CARM1: variants seen among roughly 807,000 people sequenced by gnomAD.
CARM1 encodes histone-arginine methyltransferase CARM1.
In CARM1, 14 loss-of-function variants were observed where a neutral mutation model predicts 72.7. That is an observed-to-expected ratio of 0.19 (90% CI 0.13 to 0.30). CARM1 has a LOEUF of 0.30. Ranked by LOEUF, CARM1 falls within the 10% of genes least tolerant of loss-of-function variation. The pLI is 1.00. For missense variants in CARM1, 432 were observed against 833.7 expected (o/e 0.52, Z 5.93); for synonymous variants, 333 against 345.5 (o/e 0.96, Z 0.40).
Position 10,893,865 on chromosome 19 carries a change from G to A in CARM1, c.221-11086G>A, listed in dbSNP as rs955989551. ...AACAGATGAGGAAGCCAAGGCCAGG[G>A]CTGGAGAACAGTGGGTTCGGCCCTG... On this transcript the variant is annotated intron_variant, in intron 1 of 15. Coordinates refer to ENST00000327064, the MANE Select transcript of CARM1 (RefSeq NM_199141.2). 9.2e-5 allele frequency among the ~76,000 whole-genome samples: 14 copies of A among 152,346 alleles called. No homozygotes were observed. In the South Asian group the frequency reaches 1.0e-3, roughly 11 times the overall value.
In CARM1 at chr19:10,881,250, C is replaced by T. The variant is rs543974915; in HGVS notation, c.220+9328C>T. Among the ~76,000 whole-genome samples the T allele has an allele frequency of 3.9e-5, 6 of 152,310 alleles. No homozygotes were observed. The South Asian group carries it at 8.3e-4, about 21-fold the overall frequency. Reference sequence around the variant, plus strand: ...AAAGCTTTGCCCTGTGTGCCTGGCCCGAAGTAAGTGCTCCATAAATTGGCC... The same window carrying T: ...AAAGCTTTGCCCTGTGTGCCTGGCCTGAAGTAAGTGCTCCATAAATTGGCC... On this transcript the variant is annotated intron_variant, in intron 1 of 15. Coordinates refer to ENST00000327064, the MANE Select transcript of CARM1 (RefSeq NM_199141.2).
At chr19:10,883,427 C>T (rs577247713) in intron 1 of CARM1, among the ~76,000 whole-genome samples, 1 of 152,186 alleles carries the variant, frequency 6.6e-6, no homozygotes, top group Admixed American at 6.5e-5. Flanking sequence ...CCCTCTGGAT[C>T]TGCTTCCTGA....
intron 1 of CARM1, among the ~76,000 whole-genome samples, chr19:10,903,581 A>T (rs74180168): frequency 0.23 from 34,196 of 148,726 alleles, 4,092 homozygotes; most frequent in Middle Eastern, 0.34. Context: ...TTTTTTTTTA[A>T]TAGGATCTCA....
chr19:10,902,977 G>C (rs185832996), intron 1 of CARM1, among the ~76,000 whole-genome samples: 7 of 152,128 alleles, frequency 4.6e-5, no homozygotes, highest in Non-Finnish European at 1.0e-4. Context: ...TCTCCTAAGA[G>C]TTTTCTTGTT....
intron 1 of CARM1, among the ~76,000 whole-genome samples, chr19:10,872,586 C>A (rs1214359093): frequency 6.6e-6 from 1 of 152,114 alleles, no homozygotes; most frequent in Non-Finnish European, 1.5e-5. Flanking sequence ...TGATGCCGGG[C>A]TTCGAAGTAA....
chr19:10,921,187 G>C (rs1462888862), intron 14 of CARM1, 60 bp downstream of exon 14: 1 of 1,549,656 alleles, frequency 6.5e-7, no homozygotes, highest in Non-Finnish European at 8.9e-7. Flanking sequence ...CCCAGGGGCC[G>C]GGAAGGGCCT....
At position 10,915,492 on chromosome 19, in the gene CARM1, CT is replaced by C. The variant is rs1381064446; in HGVS notation, c.848-913del. Among the ~76,000 whole-genome samples, 6 of 152,148 alleles carry C rather than the reference CT, an allele frequency of 3.9e-5. No homozygotes were observed. Among genetic ancestry groups the C allele is most frequent in the Non-Finnish European group, 1.5e-5 (1 of 68,006 alleles). On this transcript the variant is annotated intron_variant, in intron 6 of 15. Transcript: ENST00000327064. This position sits in a 1 kb window ranked among gnomAD's most constrained non-coding sequence, Gnocchi z 4.6. ...GCCCTCCCCTCTCCCAGTCACATGT[CT>C]TCTGGTCAGCAGGAGCCAGAGGTTC...
rs1430127559 is a variant in CARM1 at position 10,890,791 on chromosome 19, A to AT, written c.221-14159dup. Among the ~76,000 whole-genome samples the AT allele has an allele frequency of 7.1e-3, 704 of 99,434 alleles. 20 individuals are homozygous for AT. The highest frequency in any genetic ancestry group is 0.018 in the African/African-American group (388 of 21,354). 65.2% of individuals were successfully genotyped at this position (99,434 alleles called of 152,430 possible). On this transcript the variant is annotated intron_variant, in intron 1 of 15. Transcript: ENST00000327064. ...CACACACACATATATATATATATAT[A>AT]TATATTTTTTTTTTTTTTTTTTTTT... is the stretch of plus-strand genomic sequence containing the variant.
intron 1 of CARM1, among the ~76,000 whole-genome samples, chr19:10,900,636 G>A (rs1251632993): frequency 5.9e-5 from 9 of 152,082 alleles, no homozygotes; most frequent in Non-Finnish European, 1.2e-4. Context: ...AAGTACTGCT[G>A]TGAATGCTTG....
Position 10,912,038 on chromosome 19 carries a change from G to A in CARM1, c.559-146G>A. The stretch of plus-strand genomic sequence containing the variant: ...GGCCCATGGCTCATCTTGAGTTCTC[G>A]CTTCATTTTGACCAAGAGCCCATAA... On this transcript the variant is annotated intron_variant, in intron 4 of 15. Coordinates refer to ENST00000327064, the MANE Select transcript of CARM1 (RefSeq NM_199141.2). The surrounding 1 kb of genome is among the most constrained non-coding windows in gnomAD (Gnocchi z 4.5). 5.5e-6 allele frequency: 4 copies of A among 722,080 alleles called. No homozygotes were observed. Among genetic ancestry groups the A allele is most frequent in the Non-Finnish European group, 7.6e-6 (3 of 396,422 alleles). The allele number at this position is 722,080 out of a possible 1,614,324, so 44.7% of individuals were successfully genotyped here.
chr19:10,890,410 G>A (rs2146316733), intron 1 of CARM1, among the ~76,000 whole-genome samples: 1 of 150,852 alleles, frequency 6.6e-6, no homozygotes, highest in Admixed American at 6.6e-5. Context: ...TGGGATTACA[G>A]GCGCCCACCA....
intron 1 of CARM1, among the ~76,000 whole-genome samples, chr19:10,888,369 G>T (rs914264373): frequency 2.0e-5 from 3 of 152,196 alleles, no homozygotes. Context: ...CAGCTTCTGG[G>T]TCCCCAGCTG....
chr19:10,904,688 C>T (rs907391860), intron 1 of CARM1, among the ~76,000 whole-genome samples: 43 of 152,370 alleles, frequency 2.8e-4, no homozygotes, highest in Middle Eastern at 3.4e-3. Context: ...TGTCTGCCCA[C>T]CTCAGCCTTC....
At chr19:10,891,478 G>A (rs1043907140) in intron 1 of CARM1, among the ~76,000 whole-genome samples, 1 of 152,154 alleles carries the variant, frequency 6.6e-6, no homozygotes, top group Admixed American at 6.5e-5. Flanking sequence ...GGGCCGTGGG[G>A]TGGGTGCAGG....
chr19:10,875,759 G>A (rs1401744326), intron 1 of CARM1, among the ~76,000 whole-genome samples: 2 of 151,410 alleles, frequency 1.3e-5, no homozygotes, highest in Non-Finnish European at 2.9e-5. Context: ...ACTGGGCATT[G>A]GATTTAGGGC....
rs2145208843 is a variant in CARM1 at position 10,896,224 on chromosome 19, C to T, written c.221-8727C>T. Among the ~76,000 whole-genome samples the T allele has an allele frequency of 6.6e-6, 1 of 152,140 alleles. No homozygotes were observed. Among genetic ancestry groups the T allele is most frequent in the Non-Finnish European group, 1.5e-5 (1 of 67,948 alleles). On this transcript the variant is annotated intron_variant, in intron 1 of 15. Transcript: ENST00000327064. This position sits in a 1 kb window ranked among gnomAD's most constrained non-coding sequence, Gnocchi z 5.2. ...TCCCCGTTCTTCCAAGACCCTCCTG[C>T]ATGCTGGGACCCAGGGCTGCCGTGG...
rs765509075 is a variant in CARM1, at chr19:10,921,638, G to A, written c.1708G>A (p.Gly570Ser). 51 of 1,613,042 alleles carry A rather than the reference G, an allele frequency of 3.2e-5. No homozygotes were observed. The highest frequency in any genetic ancestry group is 1.3e-5 in the African/African-American group (1 of 74,916). ...AGGGTCCTCCGGCGCCCAGGGCAGT[G>A]GTGGTGGCAGCACGAGTGCCCACTA... ...VQGSSGAQGS[G>S]GGSTSAHYAV... Residue 570 changes from glycine to serine, a missense_variant, in exon 16 of 16, where the codon GGT becomes AGT. Physicochemically the swap from Gly to Ser is moderately conservative, Grantham distance 56. Transcript: ENST00000327064.
intron 1 of CARM1, among the ~76,000 whole-genome samples, chr19:10,872,600 C>T (rs1241214027): frequency 1.3e-5 from 2 of 152,228 alleles, no homozygotes; most frequent in Admixed American, 6.5e-5. Context: ...GAAGTAAGAG[C>T]TAACAGCCTC....
chr19:10,873,411 T>C (rs918709196), intron 1 of CARM1, among the ~76,000 whole-genome samples: 2 of 151,658 alleles, frequency 1.3e-5, no homozygotes, highest in African/African-American at 4.8e-5. Context: ...CTGGCCAACA[T>C]GGTGAAACCC....
Sources: allele counts gnomAD v4.1 joint callset (sites outside exome capture counted in the v4.1 genomes callset), GRCh38; gene constraint gnomAD v4.1.1; non-coding constraint Gnocchi (gnomAD v3.1); transcripts MANE v1.5; gene names NCBI Gene and HGNC (gene_info 2026-07-23, HGNC 2026-07-21).